PRKDC: variants seen among roughly 807,000 people sequenced by gnomAD.
PRKDC encodes DNA-dependent protein kinase catalytic subunit.
A neutral mutation model predicts 486.9 loss-of-function variants in PRKDC; 82 were observed. The ratio of observed to expected loss-of-function variants is 0.17; its 90% CI spans 0.14 to 0.20. The LOEUF is 0.20. Ranked by LOEUF, PRKDC falls within the 10% of genes least tolerant of loss-of-function variation. The pLI is 1.00. For synonymous variants in PRKDC, 1,895 were observed against 1,837.0 expected, an observed-to-expected ratio of 1.03 and a Z score of -0.81; for missense variants, 4,504 against 5,038.2, an observed-to-expected ratio of 0.89 and a Z score of 3.21.
Position 47,954,366 on chromosome 8 carries a change from A to G in PRKDC, c.480T>C (p.Leu160=). The G allele has an allele frequency of 7.4e-7, 1 of 1,346,804 alleles. No individual in the cohort carries two copies. Among genetic ancestry groups the G allele is most frequent in the Non-Finnish European group, 1.0e-6 (1 of 993,176 alleles). The allele number at this position is 1,346,804 out of a possible 1,614,324, so 83.4% of individuals were successfully genotyped here. A position where few individuals can be genotyped will look rare whatever the true frequency, so the allele number is the denominator to read the frequency against. Residue 160 remains leucine, a synonymous_variant, in exon 5 of 86, where the codon CTT becomes CTC. Transcript: ENST00000314191. The part of the protein sequence containing the change: ...GELFSKFYGE[L]ALKKKIPDTV... Reference sequence around the variant, plus strand: ...TATCTGGTATTTTTTTTTTCAATGCAAGTTCTCCATAGAATTTACTAAATA... The same window carrying G: ...TATCTGGTATTTTTTTTTTCAATGCGAGTTCTCCATAGAATTTACTAAATA...
In PRKDC at chr8:47,930,745, C is replaced by G. The variant is rs375397660; in HGVS notation, c.1819G>C (p.Asp607His). ...GCTGGATGCAAGTTAGCCGCTGGAT[C>G]TGAAGTTGGGATCATCCAAACACCA... ...APGVWMIPTS[D>H]PAANLHPAKP... Residue 607 changes from aspartate to histidine, a missense_variant, in exon 17 of 86, where the codon GAT (aspartate) becomes CAT (histidine). By Grantham distance (81) the Asp-to-His change is moderately conservative (BLOSUM62 -1). Coordinates refer to ENST00000314191, the MANE Select transcript of PRKDC (RefSeq NM_006904.7). 15 of 1,590,756 alleles carry G rather than the reference C, an allele frequency of 9.4e-6. No individual in the cohort carries two copies. Among genetic ancestry groups the G allele is most frequent in the Non-Finnish European group, 1.3e-5 (15 of 1,168,332 alleles).
At chr8:47,922,020 A>T (rs1204729478) in intron 21 of PRKDC, among the ~76,000 whole-genome samples, 1 of 152,082 alleles carries the variant, frequency 6.6e-6, no homozygotes, top group African/African-American at 2.4e-5. Context: ...ACTTCACGTG[A>T]TCTGCCTACC....
Position 47,889,338 on chromosome 8 carries a change from T to C in PRKDC, c.4072-116A>G, listed in dbSNP as rs550648208. 4.7e-6 allele frequency: 4 copies of C among 853,772 alleles called. No individual in the cohort carries two copies. The African/African-American group carries it at 5.1e-5, about 11-fold the overall frequency. The allele number at this position is 853,772 out of a possible 1,614,324, so 52.9% of individuals were successfully genotyped here. A position where few individuals can be genotyped will look rare whatever the true frequency, so the allele number is the denominator to read the frequency against. ...TGACTAAGGGAGAGGTGGGCAGAGT[T>C]TCTCTGTAAAACGGGGGCACAGTAA... is the stretch of plus-strand genomic sequence containing the variant. On this transcript the variant is annotated intron_variant, in intron 32 of 85. Coordinates refer to ENST00000314191, the MANE Select transcript of PRKDC (RefSeq NM_006904.7).
In PRKDC at chr8:47,789,056, G is replaced by A. The variant is rs2086840156; in HGVS notation, c.10759-7C>T. ...TTACATCATTGCTCCAATCCTGTCA[G>A]GGGAAAAAAAAAGTAAGAAAAAAAT... On this transcript the variant is annotated splice_region_variant and splice_polypyrimidine_tract_variant and intron_variant, in intron 75 of 85. Coordinates refer to ENST00000314191, the MANE Select transcript of PRKDC (RefSeq NM_006904.7). The A allele has an allele frequency of 1.2e-6, 2 of 1,609,386 alleles. No individual in the cohort carries two copies. The highest frequency in any genetic ancestry group is 1.7e-6 in the Non-Finnish European group (2 of 1,178,418).
chr8:47,809,511 TGGGCTGTGAA>T (rs1373206457), intron 68 of PRKDC, among the ~76,000 whole-genome samples: 1 of 152,150 alleles, frequency 6.6e-6, no homozygotes, highest in Non-Finnish European at 1.5e-5. Flanking sequence ...CAGACTTCCT[TGGGCTGTGAA>T]GGGTGCATGC....
intron 74 of PRKDC, among the ~76,000 whole-genome samples, chr8:47,793,522 C>T (rs1036473323): frequency 1.3e-5 from 2 of 151,910 alleles, no homozygotes; most frequent in South Asian, 4.1e-4. Context: ...CGCTTGTAAT[C>T]CCAGCTACTC....
chr8:47,879,727 TTACTG>T, intron 38 of PRKDC, 69 bp from the exon 39 acceptor site: 1 of 1,294,242 alleles, frequency 7.7e-7, no homozygotes, highest in South Asian at 1.7e-5. Context: ...ATAAATAAAA[TTACTG>T]TAAGACATTG....
intron 54 of PRKDC, among the ~76,000 whole-genome samples, chr8:47,843,167 G>A (rs971046418): frequency 5.9e-5 from 9 of 152,036 alleles, no homozygotes; most frequent in African/African-American, 1.9e-4. Context: ...AGACCCTGTC[G>A]AAAACAAAAC....
chr8:47,830,865 G>A (rs2087851217), intron 60 of PRKDC, 129 bp from the exon 61 acceptor site: 1 of 1,137,132 alleles, frequency 8.8e-7, no homozygotes, highest in East Asian at 2.4e-5. Context: ...TGCTCGCAGA[G>A]GCTCAGTCGC....
intron 70 of PRKDC, 79 bp from the exon 71 acceptor site, chr8:47,801,065 A>G: frequency 7.3e-7 from 1 of 1,364,368 alleles, no homozygotes; most frequent in Non-Finnish European, 1.0e-6. Flanking sequence ...CATTGTCTAT[A>G]GAAGTTTTCT....
intron 85 of PRKDC, among the ~76,000 whole-genome samples, chr8:47,775,617 C>T (rs1246540949): frequency 6.6e-6 from 1 of 151,788 alleles, no homozygotes; most frequent in African/African-American, 2.4e-5. Context: ...ATACAAGTCC[C>T]ATATCAGATA....
At chr8:47,901,973 C>T (rs1303800499) in intron 27 of PRKDC, among the ~76,000 whole-genome samples, 2 of 152,146 alleles carry the variant, frequency 1.3e-5, no homozygotes, top group African/African-American at 2.4e-5. Flanking sequence ...TACACAGCTA[C>T]CAGCAAGTGG....
chr8:47,789,929 T>G (rs2086857781), intron 74 of PRKDC, among the ~76,000 whole-genome samples: 1 of 152,052 alleles, frequency 6.6e-6, no homozygotes, highest in East Asian at 1.9e-4. Flanking sequence ...CTCAACACAA[T>G]AAAAGCCATG....
chr8:47,821,533 A>T, intron 65 of PRKDC, 71 bp downstream of exon 65: 1 of 1,460,264 alleles, frequency 6.8e-7, no homozygotes, highest in Non-Finnish European at 9.4e-7. Context: ...GAAATGTTTT[A>T]AACAATTTTG....
In PRKDC at chr8:47,774,315, CGTGCCACAGCCACATA is replaced by C; in HGVS notation, c.12229_12244del (p.Tyr4077GlufsTer23). On this transcript the variant is annotated frameshift_variant, in exon 86 of 86. Coordinates refer to ENST00000314191, the MANE Select transcript of PRKDC (RefSeq NM_006904.7). LOFTEE classifies it high-confidence loss of function. ...ACGAATGTTGTGATCTTTGCTTCCT[CGTGCCACAGCCACATA>C]GTCTCTGAAGGCAGGGGCCTTCTCA... 6.2e-7 allele frequency: 1 copy of C among 1,613,432 alleles called. No individual in the cohort carries two copies.
intron 16 of PRKDC, among the ~76,000 whole-genome samples, 184 bp from the exon 17 acceptor site, chr8:47,930,971 C>T (rs1320488217): frequency 6.6e-6 from 1 of 152,112 alleles, no homozygotes; most frequent in Admixed American, 6.5e-5. Context: ...TTGCAGAAAG[C>T]GTTAACCAAA....
intron 25 of PRKDC, among the ~76,000 whole-genome samples, chr8:47,910,391 T>TA (rs2089876017): frequency 6.6e-6 from 1 of 152,196 alleles, no homozygotes; most frequent in South Asian, 2.1e-4. Flanking sequence ...TTTAACATGT[T>TA]AGTCATTTGA....
intron 14 of PRKDC, among the ~76,000 whole-genome samples, chr8:47,934,738 T>TC (rs2090318897): frequency 6.6e-6 from 1 of 152,184 alleles, no homozygotes; most frequent in Non-Finnish European, 1.5e-5. Flanking sequence ...CCCTTAGCAA[T>TC]TTGTCCTAGA....
chr8:47,943,381 G>A lies in PRKDC; in HGVS notation c.809-15C>T. On this transcript the variant is annotated splice_polypyrimidine_tract_variant and intron_variant, in intron 9 of 85. Coordinates refer to ENST00000314191, the MANE Select transcript of PRKDC (RefSeq NM_006904.7). ...GCGCAAGCCAGCTGCAAATGCAAAT[G>A]CCATTATATTTAAAATCAGACGACA... 27 of 1,586,020 alleles carry A rather than the reference G, an allele frequency of 1.7e-5. No individual in the cohort carries two copies. The highest frequency in any genetic ancestry group is 2.3e-5 in the Non-Finnish European group (27 of 1,168,494).
Sources: gnomAD v4.1 joint callset for allele counts (sites outside exome capture counted in the v4.1 genomes callset) on GRCh38, gnomAD v4.1.1 for gene constraint, MANE v1.5 for transcripts, NCBI Gene and HGNC (gene_info 2026-07-23, HGNC 2026-07-21) for gene names.